The following RANBP17 variants were observed in gnomAD, a reference collection of about 807,000 sequenced individuals.
The protein encoded by RANBP17 is RAN binding protein 17, also known as ran-binding protein 17.
RANBP17 carries 158 observed loss-of-function variants against 141.2 expected under a neutral mutation model. The observed-to-expected ratio is 1.12, with a 90% CI of 0.98 to 1.28. The LOEUF (loss-of-function observed/expected upper bound fraction) is 1.28, where lower values mean the gene tolerates loss of function less well. Ranked by LOEUF, RANBP17 falls within the 50% of genes most tolerant of loss-of-function variation. The probability of loss-of-function intolerance (pLI) is 0.00; values close to 1 mark genes in which losing one functional copy is unlikely to be tolerated. For synonymous variants in RANBP17, 430 were observed against 450.0 expected, an observed-to-expected ratio of 0.96 and a Z score of 0.56; for missense variants, 1,438 against 1,290.7, an observed-to-expected ratio of 1.11 and a Z score of -1.75.
At chr5:170,932,642 C>T (rs1184999231) in intron 12 of RANBP17, among the ~76,000 whole-genome samples, 3 of 151,998 alleles carry the variant, frequency 2.0e-5, no homozygotes, top group Non-Finnish European at 2.9e-5. Flanking sequence ...TTGTCAAAGG[C>T]CTTTTCTGCA....
intron 16 of RANBP17, among the ~76,000 whole-genome samples, chr5:171,175,268 A>C (rs1002873786): frequency 1.3e-5 from 2 of 152,174 alleles, no homozygotes; most frequent in Non-Finnish European, 2.9e-5. Flanking sequence ...ATACGTGTGC[A>C]TGTGTCTTTA....
At chr5:170,897,156 A>T (rs774404385) in intron 5 of RANBP17, 1 of 818,442 alleles carries the variant, frequency 1.2e-6, no homozygotes, top group East Asian at 3.3e-5. Flanking sequence ...TTTGATACCA[A>T]ACAGCTCATC....
At chr5:170,996,922 GT>G (rs1778854319) in intron 14 of RANBP17, among the ~76,000 whole-genome samples, 1 of 152,106 alleles carries the variant, frequency 6.6e-6, no homozygotes, top group African/African-American at 2.4e-5. Context: ...GTCTAGAAAG[GT>G]GATTAAACAC....
intron 2 of RANBP17, among the ~76,000 whole-genome samples, chr5:170,880,897 T>C (rs1243413925): frequency 6.6e-6 from 1 of 152,220 alleles, no homozygotes; most frequent in Non-Finnish European, 1.5e-5. Flanking sequence ...GAGTTGTAGC[T>C]ACCTCACTGT....
At chr5:171,023,730 C>G (rs1160650605) in intron 14 of RANBP17, among the ~76,000 whole-genome samples, 2 of 152,178 alleles carry the variant, frequency 1.3e-5, no homozygotes, top group African/African-American at 4.8e-5. Flanking sequence ...TTCCAGAACT[C>G]TACCCTGAAA....
chr5:171,147,382 G>C (rs201122723), intron 14 of RANBP17, among the ~76,000 whole-genome samples: 3 of 32,072 alleles, frequency 9.4e-5, no homozygotes, highest in African/African-American at 1.3e-4. Flanking sequence ...TGTGTGTGTG[G>C]TTGTTTGTTT....
intron 14 of RANBP17, among the ~76,000 whole-genome samples, chr5:171,013,846 T>A (rs1435719277): frequency 6.6e-6 from 1 of 152,146 alleles, no homozygotes; most frequent in Non-Finnish European, 1.5e-5. Context: ...ACAGATCAAT[T>A]TGTCTTAAAA....
chr5:170,994,953 A>G (rs1349616437), intron 14 of RANBP17, among the ~76,000 whole-genome samples: 1 of 152,072 alleles, frequency 6.6e-6, no homozygotes, highest in Non-Finnish European at 1.5e-5. Flanking sequence ...GTAAATGTTG[A>G]TAATATTTAG....
At chr5:171,240,378 A>G (rs968062757) in intron 22 of RANBP17, among the ~76,000 whole-genome samples, 2 of 152,184 alleles carry the variant, frequency 1.3e-5, no homozygotes, top group Admixed American at 6.5e-5. Context: ...AGAAAAAGGA[A>G]GTAATATTTA....
intron 14 of RANBP17, among the ~76,000 whole-genome samples, chr5:171,148,524 T>C (rs1561704067): frequency 6.6e-6 from 1 of 152,192 alleles, no homozygotes; most frequent in Non-Finnish European, 1.5e-5. Context: ...CCACATTTGA[T>C]GCTATCAGAT....
intron 14 of RANBP17, among the ~76,000 whole-genome samples, chr5:171,135,152 C>T (rs1561689757): frequency 6.6e-6 from 1 of 151,370 alleles, no homozygotes; most frequent in Non-Finnish European, 1.5e-5. Flanking sequence ...TGGTGGTTCA[C>T]ACCTGTAATC....
intron 14 of RANBP17, among the ~76,000 whole-genome samples, chr5:171,010,577 A>G (rs1227925478): frequency 1.3e-5 from 2 of 152,160 alleles, no homozygotes; most frequent in Admixed American, 6.6e-5. Flanking sequence ...AAAAATCTGC[A>G]GAAAGAGACC....
chr5:171,231,494 T>G (rs1471868281), intron 22 of RANBP17, among the ~76,000 whole-genome samples: 1 of 152,172 alleles, frequency 6.6e-6, no homozygotes. Flanking sequence ...TTGTTAATAT[T>G]CAGTCTAGGA....
chr5:170,993,972 C>T (rs183180433), intron 14 of RANBP17, among the ~76,000 whole-genome samples: 20 of 152,106 alleles, frequency 1.3e-4, no homozygotes, highest in Non-Finnish European at 2.2e-4. Flanking sequence ...TGCATATTGG[C>T]ATGTTAAACG....
At chr5:171,092,161 A>G (rs544001090) in intron 14 of RANBP17, among the ~76,000 whole-genome samples, 1 of 152,368 alleles carries the variant, frequency 6.6e-6, no homozygotes, top group East Asian at 1.9e-4. Context: ...AATGTGATTT[A>G]ATACTTAAGA....
chr5:170,919,679 T>TGCCGGGCGCGGTGGCTC, intron 11 of RANBP17, 66 bp downstream of exon 11: 1 of 1,315,562 alleles, frequency 7.6e-7, no homozygotes, highest in Non-Finnish European at 1.0e-6. Flanking sequence ...AAGATAAAGT[T>TGCCGGGCGCGGTGGCTC]ATAAATTTAA....
chr5:170,926,710 AC>A (rs1283666016), intron 12 of RANBP17, among the ~76,000 whole-genome samples: 1 of 151,586 alleles, frequency 6.6e-6, no homozygotes, highest in African/African-American at 2.4e-5. Flanking sequence ...AAATTAAAAA[AC>A]TTAAAATGTG....
chr5:171,295,853 G>T (rs776259868), intron 26 of RANBP17, 34 bp from the exon 27 acceptor site: 2 of 1,606,736 alleles, frequency 1.2e-6, no homozygotes, highest in East Asian at 2.2e-5. Flanking sequence ...GGGACTTGGA[G>T]TCGGAGCTCT....
intron 14 of RANBP17, among the ~76,000 whole-genome samples, chr5:171,065,004 C>T (rs964984145): frequency 1.4e-4 from 21 of 152,122 alleles, no homozygotes; most frequent in East Asian, 1.2e-3. Flanking sequence ...CATTTTCCAA[C>T]GTATCATCTT....
Sources: allele counts gnomAD v4.1 joint callset (sites outside exome capture counted in the v4.1 genomes callset), GRCh38; gene constraint gnomAD v4.1.1; transcripts MANE v1.5; gene names NCBI Gene and HGNC (gene_info 2026-07-23, HGNC 2026-07-21).